MAN1A1: variants seen among roughly 807,000 people sequenced by gnomAD.
MAN1A1 encodes mannosyl-oligosaccharide 1,2-alpha-mannosidase IA.
In MAN1A1, 29 loss-of-function variants were observed where a neutral mutation model predicts 70.8. The ratio of observed to expected loss-of-function variants is 0.41; its 90% CI spans 0.31 to 0.56. The LOEUF (loss-of-function observed/expected upper bound fraction) is 0.56, where lower values mean the gene tolerates loss of function less well. MAN1A1 is among the 20% of genes least tolerant of loss of function. MAN1A1 has a pLI of 0.29. For synonymous variants in MAN1A1, 349 were observed against 330.1 expected (o/e 1.06, Z -0.62); for missense variants, 747 against 841.3 (o/e 0.89, Z 1.39).
chr6:119,199,992 T>C (rs1773673860), intron 8 of MAN1A1, among the ~76,000 whole-genome samples: 1 of 152,082 alleles, frequency 6.6e-6, no homozygotes, highest in Non-Finnish European at 1.5e-5. Flanking sequence ...TTCGCCTTTG[T>C]TCTCAGTGAG....
intron 5 of MAN1A1, among the ~76,000 whole-genome samples, chr6:119,280,553 A>G (rs1250785421): frequency 6.6e-6 from 1 of 152,248 alleles, no homozygotes; most frequent in African/African-American, 2.4e-5. Flanking sequence ...ACCAGATGGT[A>G]TATTATCACA....
chr6:119,273,981 T>C (rs1349879112), intron 5 of MAN1A1, among the ~76,000 whole-genome samples: 2 of 152,166 alleles, frequency 1.3e-5, no homozygotes, highest in African/African-American at 4.8e-5. Context: ...TGAGAACATC[T>C]GTTAGTGTGG....
intron 5 of MAN1A1, among the ~76,000 whole-genome samples, chr6:119,286,235 A>C (rs1166042514): frequency 6.6e-6 from 1 of 152,126 alleles, no homozygotes; most frequent in African/African-American, 2.4e-5. Context: ...ATATATCCTA[A>C]TTTTCTAGAG....
intron 5 of MAN1A1, among the ~76,000 whole-genome samples, chr6:119,274,041 C>T (rs73769020): frequency 0.012 from 1,797 of 152,232 alleles, 34 homozygotes; most frequent in African/African-American, 0.041. Flanking sequence ...TTGAGAGGAC[C>T]TCCTGAGATT....
chr6:119,188,332 T>C (rs183318277), intron 11 of MAN1A1, 73 bp downstream of exon 11: 1 of 1,371,358 alleles, frequency 7.3e-7, no homozygotes, highest in African/African-American at 1.5e-5. Context: ...TTGATAAGCC[T>C]GATTTATGGG....
intron 5 of MAN1A1, among the ~76,000 whole-genome samples, chr6:119,250,148 T>A (rs1775278222): frequency 6.6e-6 from 1 of 152,216 alleles, no homozygotes; most frequent in African/African-American, 2.4e-5. Context: ...AGAAATTTCA[T>A]GTTGTCTTCT....
chr6:119,314,935 G>A (rs11153811), intron 2 of MAN1A1, among the ~76,000 whole-genome samples: 50,459 of 151,928 alleles, frequency 0.33, 8,856 homozygotes, highest in Non-Finnish European at 0.36. Context: ...ATTCGACCTG[G>A]CCTGTCACTA....
chr6:119,254,768 T>C (rs1422126512), intron 5 of MAN1A1, among the ~76,000 whole-genome samples: 1 of 152,216 alleles, frequency 6.6e-6, no homozygotes, highest in Non-Finnish European at 1.5e-5. Context: ...AGGATTCTGA[T>C]TACATTCATA....
chr6:119,320,002 T>A lies in MAN1A1; in HGVS notation c.604-13010A>T, dbSNP rs573561122. On this transcript the variant is annotated intron_variant, in intron 2 of 12. Coordinates refer to ENST00000368468, the MANE Select transcript of MAN1A1 (RefSeq NM_005907.4). ...TTCTTTTTTTTTTTAAGAGACGGAG[T>A]CTTGCTGTGTCCCCAGGGTGGAGTG... Among the ~76,000 whole-genome samples, 30 of 150,968 alleles carry A rather than the reference T, an allele frequency of 2.0e-4. No individual in the cohort carries two copies. The South Asian group carries it at 6.1e-3, about 31-fold the overall frequency.
At position 119,348,457 on chromosome 6, in the gene MAN1A1, A is replaced by G; in HGVS notation, c.603+6T>C. On this transcript the variant is annotated splice_donor_region_variant and intron_variant, in intron 2 of 12. Coordinates refer to ENST00000368468, the MANE Select transcript of MAN1A1 (RefSeq NM_005907.4). ...TCGGGAGGGATTTCTGGCGCGGCCC[A>G]CTCACCTCTTTGATCTTTGCCCTTT... 1.9e-6 allele frequency: 3 copies of G among 1,585,364 alleles called. No individual in the cohort carries two copies. The highest frequency in any genetic ancestry group is 2.6e-6 in the Non-Finnish European group (3 of 1,163,424).
In MAN1A1 at chr6:119,348,501, C is replaced by G. The variant is rs1489424630; in HGVS notation, c.565G>C (p.Asp189His). 1 of 1,609,602 alleles carries G rather than the reference C, an allele frequency of 6.2e-7. No individual in the cohort carries two copies. Among genetic ancestry groups the G allele is most frequent in the African/African-American group, 1.3e-5 (1 of 74,832 alleles). Residue 189 changes from aspartate to histidine, a missense_variant, in exon 2 of 13, where the codon GAC becomes CAC. This residue lies in a region of MAN1A1 where 328 missense variants were observed against 293.1 expected (regional missense o/e 1.12). Transcript: ENST00000368468. ...GCCCTTTTCTCGCGGATGGCGGCGT[C>G]GGCGGGCTCCCGGCTCTCCACCCCG... Reference protein sequence around the residue: ...PIGVESREPADAAIREKRAKI... With the variant: ...PIGVESREPAHAAIREKRAKI...
intron 8 of MAN1A1, among the ~76,000 whole-genome samples, chr6:119,196,991 A>C (rs1023490742): frequency 3.3e-5 from 5 of 152,164 alleles, no homozygotes; most frequent in Non-Finnish European, 7.3e-5. Flanking sequence ...AACTGCTAAA[A>C]GAGAACAAGC....
intron 11 of MAN1A1, among the ~76,000 whole-genome samples, chr6:119,182,588 C>T (rs1773181584): frequency 6.7e-6 from 1 of 149,916 alleles, no homozygotes; most frequent in Non-Finnish European, 1.5e-5. Flanking sequence ...CAGGCATATT[C>T]ATCTCTAGGA....
intron 5 of MAN1A1, among the ~76,000 whole-genome samples, chr6:119,262,076 G>A (rs114850369): frequency 1.0e-3 from 156 of 152,262 alleles, no homozygotes; most frequent in South Asian, 3.1e-3. Flanking sequence ...GCAGAGTCCC[G>A]TCCTGGGGCC....
intron 6 of MAN1A1, among the ~76,000 whole-genome samples, chr6:119,240,525 T>C (rs901865670): frequency 2.0e-5 from 3 of 152,038 alleles, no homozygotes; most frequent in East Asian, 3.9e-4. Flanking sequence ...GAGGCAGATA[T>C]GGTCTGCTCC....
intron 5 of MAN1A1, among the ~76,000 whole-genome samples, chr6:119,255,764 C>T (rs1331076842): frequency 1.3e-5 from 2 of 152,150 alleles, no homozygotes; most frequent in Non-Finnish European, 2.9e-5. Context: ...CCTTTTGATC[C>T]AGAGGGACTC....
intron 2 of MAN1A1, among the ~76,000 whole-genome samples, chr6:119,335,525 C>T (rs1007270945): frequency 1.3e-5 from 2 of 152,052 alleles, no homozygotes; most frequent in African/African-American, 4.8e-5. Flanking sequence ...AAATTCTGGG[C>T]CACGGACCTA....
chr6:119,331,222 T>A (rs1307909471), intron 2 of MAN1A1, among the ~76,000 whole-genome samples: 2 of 152,236 alleles, frequency 1.3e-5, no homozygotes, highest in Non-Finnish European at 2.9e-5. Flanking sequence ...ACAACTTGAC[T>A]GTCAAGTCAG....
At chr6:119,340,001 G>A (rs1383625211) in intron 2 of MAN1A1, among the ~76,000 whole-genome samples, 1 of 152,142 alleles carries the variant, frequency 6.6e-6, no homozygotes, top group East Asian at 1.9e-4. Flanking sequence ...TGAGGCAGGA[G>A]AATCGCCTGA....
Sources: gnomAD v4.1 joint callset for allele counts (sites outside exome capture counted in the v4.1 genomes callset) on GRCh38, gnomAD v4.1.1 for gene constraint, gnomAD v4.1.1 regional missense constraint, MANE v1.5 for transcripts, NCBI Gene and HGNC (gene_info 2026-07-23, HGNC 2026-07-21) for gene names.